DGKI: variants seen among roughly 807,000 people sequenced by gnomAD.
DGKI encodes diacylglycerol kinase iota.
DGKI carries 55 observed loss-of-function variants against 147.5 expected under a neutral mutation model. The observed-to-expected ratio is 0.37, with a 90% CI of 0.30 to 0.47. The LOEUF is 0.47. Ranked by LOEUF, DGKI falls within the 20% of genes least tolerant of loss-of-function variation. The probability of loss-of-function intolerance (pLI) is 1.00; values close to 1 mark genes in which losing one functional copy is unlikely to be tolerated. For synonymous variants in DGKI, 469 were observed against 477.1 expected (o/e 0.98, Z 0.22); for missense variants, 1,007 against 1,323.8 (o/e 0.76, Z 3.71).
intron 11 of DGKI, among the ~76,000 whole-genome samples, chr7:137,598,768 A>C (rs1210855879): frequency 6.6e-6 from 1 of 152,128 alleles, no homozygotes; most frequent in Non-Finnish European, 1.5e-5. Flanking sequence ...GTCTAACTAA[A>C]GTGATAAAAT....
intron 19 of DGKI, among the ~76,000 whole-genome samples, chr7:137,560,559 C>T (rs1339780709): frequency 6.6e-6 from 1 of 150,844 alleles, no homozygotes; most frequent in Non-Finnish European, 1.5e-5. Flanking sequence ...CTCCCAGGAA[C>T]CACACAAACC....
chr7:137,563,295 T>TG (rs1818478381), intron 19 of DGKI, among the ~76,000 whole-genome samples: 1 of 151,914 alleles, frequency 6.6e-6, no homozygotes. Context: ...AAACTACAAT[T>TG]AAGCATATTT....
At chr7:137,467,582 G>A (rs547616879) in intron 24 of DGKI, among the ~76,000 whole-genome samples, 7 of 152,284 alleles carry the variant, frequency 4.6e-5, no homozygotes, top group African/African-American at 1.7e-4. Context: ...AGTCATGTCT[G>A]AAGGAAGCCA....
chr7:137,844,690 C>T (rs1042571048), intron 1 of DGKI, among the ~76,000 whole-genome samples: 5 of 152,192 alleles, frequency 3.3e-5, no homozygotes, highest in African/African-American at 7.2e-5. Context: ...CACACTTACA[C>T]GTGCATGTGT....
chr7:137,813,877 T>G (rs1797662268), intron 1 of DGKI, among the ~76,000 whole-genome samples: 1 of 152,292 alleles, frequency 6.6e-6, no homozygotes, highest in East Asian at 1.9e-4. Flanking sequence ...CTAATAGTTA[T>G]TGAGTGAGAT....
intron 12 of DGKI, among the ~76,000 whole-genome samples, chr7:137,597,327 T>C (rs28457245): frequency 0.03 from 4,496 of 152,044 alleles, 100 homozygotes; most frequent in South Asian, 0.072. Flanking sequence ...TCTATGCATA[T>C]AACAAAATAT....
chr7:137,462,632 C>A (rs113246908), intron 27 of DGKI, among the ~76,000 whole-genome samples: 1 of 152,156 alleles, frequency 6.6e-6, no homozygotes. Context: ...TTCGAAGAAT[C>A]TTCAGTTATC....
At chr7:137,705,974 T>C (rs1794008299) in intron 1 of DGKI, among the ~76,000 whole-genome samples, 1 of 152,138 alleles carries the variant, frequency 6.6e-6, no homozygotes, top group Non-Finnish European at 1.5e-5. Flanking sequence ...AAACTCATCT[T>C]TTTAAGCTAA....
At chr7:137,754,024 A>T (rs746597245) in intron 1 of DGKI, among the ~76,000 whole-genome samples, 5 of 152,238 alleles carry the variant, frequency 3.3e-5, no homozygotes, top group Admixed American at 6.5e-5. Flanking sequence ...CTAACTGGGA[A>T]CTATGTTGTC....
chr7:137,696,723 G>GA (rs71177917), intron 1 of DGKI, among the ~76,000 whole-genome samples: 44,823 of 151,750 alleles, frequency 0.3, 7,214 homozygotes, highest in South Asian at 0.49. Flanking sequence ...TGAGAATGGA[G>GA]AAAAAATAAT....
intron 1 of DGKI, among the ~76,000 whole-genome samples, chr7:137,826,118 C>T (rs897148559): frequency 6.6e-6 from 1 of 152,158 alleles, no homozygotes; most frequent in Admixed American, 6.5e-5. Flanking sequence ...GGGTCCAAGA[C>T]TGTTCATCAC....
At chr7:137,770,623 T>C (rs1585470603) in intron 1 of DGKI, among the ~76,000 whole-genome samples, 1 of 46,942 alleles carries the variant, frequency 2.1e-5, no homozygotes, top group East Asian at 6.3e-4. Context: ...AAGCTCCGCC[T>C]CCCGGGTTCA....
At position 137,678,633 on chromosome 7, in the gene DGKI, TCTC is replaced by T. The variant is rs1475076872; in HGVS notation, c.527_529del (p.Gly176del). On this transcript the variant is annotated inframe_deletion, in exon 3 of 33. Coordinates refer to ENST00000614521, the MANE Select transcript of DGKI (RefSeq NM_001321708.2). ...GACGTTGGTCTCCAGCCACAGGTGT[TCTC>T]CATTCACGGCATTCTCCTGCAAGGA... 1 of 1,613,874 alleles carries T rather than the reference TCTC, an allele frequency of 6.2e-7. No individual in the cohort carries two copies. The highest frequency in any genetic ancestry group is 8.5e-7 in the Non-Finnish European group (1 of 1,179,986).
In DGKI at chr7:137,411,760, GACTA is replaced by G. The variant is rs1228006019; in HGVS notation, c.2799+406_2799+409del. 9.8e-5 allele frequency among the ~76,000 whole-genome samples: 15 copies of G among 152,314 alleles called. No homozygotes were observed. In the East Asian group the frequency reaches 2.9e-3, roughly 29 times the overall value. On this transcript the variant is annotated intron_variant, in intron 29 of 32. Coordinates refer to ENST00000614521, the MANE Select transcript of DGKI (RefSeq NM_001321708.2). ...TGACTAACTATGAGAGTCCTTGTTT[GACTA>G]ACTATGATCCCCAAAGTATAAAACC...
At chr7:137,617,555 A>G (rs1320289269) in intron 8 of DGKI, among the ~76,000 whole-genome samples, 4 of 152,118 alleles carry the variant, frequency 2.6e-5, no homozygotes, top group African/African-American at 9.7e-5. Flanking sequence ...ATGCTGTCTA[A>G]TGTTTGTTTT....
chr7:137,590,023 G>GA (rs1226171195), intron 12 of DGKI, among the ~76,000 whole-genome samples: 1 of 128,754 alleles, frequency 7.8e-6, no homozygotes, highest in Non-Finnish European at 1.7e-5. Context: ...TGATAGAAAA[G>GA]AAAAAAAGAA....
intron 28 of DGKI, among the ~76,000 whole-genome samples, chr7:137,413,831 T>A (rs1812256471): frequency 6.6e-6 from 1 of 152,214 alleles, no homozygotes; most frequent in African/African-American, 2.4e-5. Context: ...ATGGTAGTTC[T>A]GCTTTAAGTT....
chr7:137,739,800 A>G (rs1321479428), intron 1 of DGKI, among the ~76,000 whole-genome samples: 1 of 152,162 alleles, frequency 6.6e-6, no homozygotes, highest in East Asian at 1.9e-4. Context: ...TTATTTGTCA[A>G]TAGAGCATAT....
At chr7:137,479,125 C>A (rs1294132462) in intron 23 of DGKI, among the ~76,000 whole-genome samples, 2 of 152,032 alleles carry the variant, frequency 1.3e-5, no homozygotes, top group African/African-American at 4.8e-5. Flanking sequence ...CTTGACTTGC[C>A]CATTTTGGAT....
Sources: allele counts gnomAD v4.1 joint callset (sites outside exome capture counted in the v4.1 genomes callset), GRCh38; gene constraint gnomAD v4.1.1; transcripts MANE v1.5; gene names NCBI Gene and HGNC (gene_info 2026-07-23, HGNC 2026-07-21).